Variants in NPAS3 observed in about 807,000 individuals in gnomAD.
The protein encoded by NPAS3 is neuronal PAS domain-containing protein 3.
NPAS3 carries 14 observed loss-of-function variants against 73.1 expected under a neutral mutation model. That is an observed-to-expected ratio of 0.19 (90% confidence interval 0.13 to 0.30). The LOEUF is 0.30. Among genes scored for constraint, NPAS3 ranks in the 10% least tolerant of loss-of-function variants. The pLI, the probability that NPAS3 is intolerant of heterozygous loss-of-function variation, is 1.00. For missense variants in NPAS3, 1,096 were observed against 1,250.0 expected (o/e 0.88, Z 1.86); for synonymous variants, 620 against 541.5 (o/e 1.14, Z -2.01).
At chr14:33,064,006 GTTGT>G (rs34002197) in intron 2 of NPAS3, among the ~76,000 whole-genome samples, 37,096 of 151,910 alleles carry the variant, frequency 0.24, 4,708 homozygotes, top group Non-Finnish European at 0.27. Context: ...TGTTATAGTT[GTTGT>G]TTATTACTAT....
At position 33,800,010 on chromosome 14, in the gene NPAS3, G is replaced by A. The variant is rs1049952145; in HGVS notation, c.1703G>A (p.Arg568Gln). 1.2e-6 allele frequency: 2 copies of A among 1,612,128 alleles called. No individual in the cohort carries two copies. The highest frequency in any genetic ancestry group is 1.3e-5 in the African/African-American group (1 of 74,936). ...TACGTGGAGAGCGAGTCGGACCTGC[G>A]GCTGCAGAACTGCGAGTCACTCACG... Residue 568 changes from arginine to glutamine, a missense_variant, in exon 12 of 12, where the codon CGG (arginine) becomes CAG (glutamine). Coordinates refer to ENST00000356141, the Ensembl canonical transcript of NPAS3. The surrounding 1 kb of genome is among the most constrained non-coding windows in gnomAD (Gnocchi z 6.5).
chr14:32,987,455 A>C (rs573993563), intron 1 of NPAS3, among the ~76,000 whole-genome samples: 1 of 152,306 alleles, frequency 6.6e-6, no homozygotes, highest in South Asian at 2.1e-4. Flanking sequence ...GGATGGATTA[A>C]AAAATTAAGG....
chr14:32,951,379 A>G (rs569504025), intron 1 of NPAS3, among the ~76,000 whole-genome samples: 11 of 152,226 alleles, frequency 7.2e-5, no homozygotes, highest in African/African-American at 2.4e-4. Flanking sequence ...TATGTCAAAT[A>G]TGGTGCTTGT....
At chr14:33,528,903 A>G (rs1374723644) in intron 4 of NPAS3, among the ~76,000 whole-genome samples, 1 of 152,140 alleles carries the variant, frequency 6.6e-6, no homozygotes, top group African/African-American at 2.4e-5. Flanking sequence ...AGGGTCCCAA[A>G]GAATCTGAGG....
At chr14:33,180,799 CAAG>C (rs575261165) in intron 2 of NPAS3, among the ~76,000 whole-genome samples, 21,630 of 66,810 alleles carry the variant, frequency 0.32, 3,024 homozygotes, top group South Asian at 0.49. Context: ...ACACTGTCTC[CAAG>C]AAAAAAAAAA....
intron 3 of NPAS3, among the ~76,000 whole-genome samples, chr14:33,330,114 G>A (rs763821774): frequency 9.2e-5 from 14 of 151,962 alleles, no homozygotes; most frequent in African/African-American, 2.9e-4. Context: ...GTGGTGGTGC[G>A]TGTCTGTAGT....
intron 2 of NPAS3, among the ~76,000 whole-genome samples, chr14:33,088,969 C>G (rs1466277676): frequency 2.6e-5 from 4 of 152,118 alleles, no homozygotes; most frequent in Non-Finnish European, 5.9e-5. Flanking sequence ...AGGGTCCCAA[C>G]TGTTAAAAGG....
At chr14:33,022,758 C>T (rs1399419402) in intron 1 of NPAS3, among the ~76,000 whole-genome samples, 2 of 151,698 alleles carry the variant, frequency 1.3e-5, no homozygotes, top group East Asian at 3.9e-4. Flanking sequence ...ACAATGCTCT[C>T]CTTCCCCTAA....
intron 7 of NPAS3, among the ~76,000 whole-genome samples, chr14:33,762,976 T>C (rs1263333262): frequency 6.6e-6 from 1 of 152,218 alleles, no homozygotes; most frequent in Admixed American, 6.5e-5. Context: ...GGGGATATGT[T>C]CTCTGAAATG....
At chr14:33,409,228 A>G (rs996614774) in intron 4 of NPAS3, among the ~76,000 whole-genome samples, 2 of 152,156 alleles carry the variant, frequency 1.3e-5, no homozygotes, top group African/African-American at 2.4e-5. Flanking sequence ...GGGTTCTGAG[A>G]TGGTACAGAA....
At chr14:33,362,766 G>A (rs1000657938) in intron 3 of NPAS3, among the ~76,000 whole-genome samples, 2 of 152,102 alleles carry the variant, frequency 1.3e-5, no homozygotes, top group African/African-American at 2.4e-5. Flanking sequence ...CCGTGATGCC[G>A]TACTGCCCTC....
At chr14:33,306,852 A>T (rs2042773266) in intron 3 of NPAS3, among the ~76,000 whole-genome samples, 1 of 152,116 alleles carries the variant, frequency 6.6e-6, no homozygotes, top group South Asian at 2.1e-4. Context: ...GTAAAAATGC[A>T]TTTGAGAGGG....
intron 1 of NPAS3, among the ~76,000 whole-genome samples, chr14:32,981,566 T>C (rs1291755219): frequency 1.3e-5 from 2 of 152,352 alleles, no homozygotes; most frequent in South Asian, 4.1e-4. Context: ...CAGACTTTAT[T>C]TTTATTCTTA....
rs201283993 is a variant in NPAS3 at position 33,095,657 on chromosome 14, C to CTTTTTTTTTTTTTTT, written c.140+39667_140+39668insTTTTTTTTTTTTTTT. Among the ~76,000 whole-genome samples, 30 of 97,676 alleles carry CTTTTTTTTTTTTTTT rather than the reference C, an allele frequency of 3.1e-4. 7 individuals carry two copies. Among genetic ancestry groups the CTTTTTTTTTTTTTTT allele is most frequent in the African/African-American group, 4.0e-4 (9 of 22,314 alleles). 64.1% of individuals were successfully genotyped at this position (97,676 alleles called of 152,430 possible). ...TACACAAAGGCGTGGGCATTCTCTG[C>CTTTTTTTTTTTTTTT]TTTTATTTTTTTATTTTTTTTTTTT... is the stretch of plus-strand genomic sequence containing the variant. On this transcript the variant is annotated intron_variant, in intron 2 of 11. Transcript: ENST00000356141.
intron 5 of NPAS3, among the ~76,000 whole-genome samples, chr14:33,617,553 C>T (rs1209706176): frequency 6.6e-6 from 1 of 152,134 alleles, no homozygotes; most frequent in African/African-American, 2.4e-5. Context: ...TCTCTTGCTT[C>T]CAAAATAAAC....
At chr14:33,510,845 C>T (rs2053015056) in intron 4 of NPAS3, among the ~76,000 whole-genome samples, 1 of 152,064 alleles carries the variant, frequency 6.6e-6, no homozygotes, top group Non-Finnish European at 1.5e-5. Context: ...CCCCCTCAGG[C>T]AAATGACTGA....
Position 33,800,232 on chromosome 14 carries a change from G to A in NPAS3, c.1925G>A (p.Ser642Asn). The change falls in exon 12 of 12, where the codon AGT becomes AAT. Residue 642 changes from serine to asparagine, a missense_variant. Transcript: ENST00000356141. This position sits in a 1 kb window ranked among gnomAD's most constrained non-coding sequence, Gnocchi z 6.5. Reference sequence around the variant, plus strand: ...CCGCGGCTGCTGTCCTCCCCCAACAGTGCCTCGGTGCTCAAGATCAAGACG... The same window carrying A: ...CCGCGGCTGCTGTCCTCCCCCAACAATGCCTCGGTGCTCAAGATCAAGACG... 1 of 1,613,000 alleles carries A rather than the reference G, an allele frequency of 6.2e-7. No individual in the cohort carries two copies. Among genetic ancestry groups the A allele is most frequent in the Non-Finnish European group, 8.5e-7 (1 of 1,179,622 alleles).
At chr14:33,521,028 T>A (rs915823465) in intron 4 of NPAS3, among the ~76,000 whole-genome samples, 5 of 152,158 alleles carry the variant, frequency 3.3e-5, no homozygotes, top group African/African-American at 1.2e-4. Context: ...GAATTCCAGC[T>A]TTTTCCTGTG....
intron 5 of NPAS3, among the ~76,000 whole-genome samples, chr14:33,638,921 A>G (rs1005835217): frequency 2.6e-5 from 4 of 152,226 alleles, no homozygotes; most frequent in Non-Finnish European, 4.4e-5. Context: ...CACTTCTCCA[A>G]TGACACTCTA....
Sources: gnomAD v4.1 joint callset for allele counts (sites outside exome capture counted in the v4.1 genomes callset) on GRCh38, gnomAD v4.1.1 for gene constraint, Gnocchi (gnomAD v3.1) non-coding constraint, MANE v1.5 for transcripts, NCBI Gene and HGNC (gene_info 2026-07-23, HGNC 2026-07-21) for gene names.